The following DCAF6 variants were observed in gnomAD, a reference collection of about 807,000 sequenced individuals.
DCAF6 encodes the protein DDB1 and CUL4 associated factor 6.
A neutral mutation model predicts 125.1 loss-of-function variants in DCAF6; 54 were observed. That is an observed-to-expected ratio of 0.43 (90% CI 0.35 to 0.54). The LOEUF is 0.54. Ranked by LOEUF, DCAF6 falls within the 20% of genes least tolerant of loss-of-function variation. The probability of loss-of-function intolerance (pLI) is 0.01; values close to 1 mark genes in which losing one functional copy is unlikely to be tolerated. For synonymous variants in DCAF6, 371 were observed against 390.4 expected (o/e 0.95, Z 0.58); for missense variants, 934 against 1,161.7 (o/e 0.80, Z 2.85).
At position 167,993,398 on chromosome 1, in the gene DCAF6, A is replaced by C. The variant is rs1297621152; in HGVS notation, c.861A>C (p.Ala287=). ...TTTTTGACCCGAAAGATGATACAGC[A>C]CGAGAACTTAAAACTCCTTCTGCGG... The part of the protein sequence containing the change: ...IYLFDPKDDT[A]RELKTPSAEE... Residue 287 remains alanine (A), a synonymous_variant, in exon 7 of 22, where the codon GCA becomes GCC. Transcript: ENST00000367840. 1 of 1,613,914 alleles carries C rather than the reference A, an allele frequency of 6.2e-7. No homozygotes were observed. The highest frequency in any genetic ancestry group is 2.2e-5 in the East Asian group (1 of 44,874).
At chr1:168,030,126 A>G (rs1686876827) in intron 12 of DCAF6, among the ~76,000 whole-genome samples, 1 of 152,226 alleles carries the variant, frequency 6.6e-6, no homozygotes, top group Non-Finnish European at 1.5e-5. Flanking sequence ...GATGGATGAA[A>G]AAATAAATCA....
the DCAF6 span, chr1:167,878,497 C>T: frequency 3.7e-6 from 6 of 1,614,174 alleles, no homozygotes; most frequent in Non-Finnish European, 5.1e-6. Context: ...ATCTGCAACA[C>T]CTTTCATAAC....
Position 167,986,855 on chromosome 1 carries a change from A to G in DCAF6, c.439-640A>G, listed in dbSNP as rs538082336. Among the ~76,000 whole-genome samples the G allele has an allele frequency of 1.4e-4, 21 of 152,336 alleles. No homozygotes were observed. The South Asian group carries it at 3.3e-3, about 24-fold the overall frequency. On this transcript the variant is annotated intron_variant, in intron 4 of 21. Coordinates refer to ENST00000367840, the MANE Select transcript of DCAF6 (RefSeq NM_001198956.2). ...GGTTTATAGAGAGCCTCAACTTACAATATTGTCATTGCTAAATTAGAAGTG... is the reference window on the plus strand; with the variant it reads ...GGTTTATAGAGAGCCTCAACTTACAGTATTGTCATTGCTAAATTAGAAGTG...
the DCAF6 span, among the ~76,000 whole-genome samples, chr1:167,885,934 T>A: frequency 6.6e-6 from 1 of 152,114 alleles, no homozygotes. Context: ...CTTTTACCCA[T>A]TTTTTAATCA....
At chr1:167,915,994 T>C in the DCAF6 span, among the ~76,000 whole-genome samples, 4 of 152,204 alleles carry the variant, frequency 2.6e-5, no homozygotes, top group Admixed American at 2.6e-4. Flanking sequence ...ATAGTGAAGC[T>C]ATCAATAAAG....
chr1:167,985,211 GGTGTGTGTGTGTGTGGT>G (rs1274556037), intron 4 of DCAF6, among the ~76,000 whole-genome samples: 1 of 134,326 alleles, frequency 7.4e-6, no homozygotes, highest in Admixed American at 7.8e-5. Context: ...GTGTGTGTGT[GGTGTGTGTGTGTGTGGT>G]GTGTGTGTGC....
chr1:167,937,746 A>ATT (rs142854521), intron 1 of DCAF6, among the ~76,000 whole-genome samples: 3 of 149,678 alleles, frequency 2.0e-5, no homozygotes, highest in African/African-American at 7.3e-5. Context: ...TTTGCATAAC[A>ATT]TTTTTTTTTT....
chr1:167,949,264 TA>T (rs1673561698), intron 1 of DCAF6, among the ~76,000 whole-genome samples: 1 of 152,354 alleles, frequency 6.6e-6, no homozygotes, highest in South Asian at 2.1e-4. Context: ...AGATTCTTCA[TA>T]GCTCTTTGGA....
chr1:167,908,310 C>G, the DCAF6 span, among the ~76,000 whole-genome samples: 5 of 152,032 alleles, frequency 3.3e-5, no homozygotes, highest in African/African-American at 1.2e-4. Context: ...CACAGAAAGA[C>G]AAAAATATTG....
At chr1:168,041,473 G>C (rs1222842878) in intron 13 of DCAF6, among the ~76,000 whole-genome samples, 1 of 151,930 alleles carries the variant, frequency 6.6e-6, no homozygotes, top group Admixed American at 6.6e-5. Context: ...TAAGGGAAAA[G>C]GTTCTTATAT....
At chr1:167,993,711 C>T (rs577954042) in intron 7 of DCAF6, among the ~76,000 whole-genome samples, 71 of 152,054 alleles carry the variant, frequency 4.7e-4, no homozygotes, top group Non-Finnish European at 9.3e-4. Flanking sequence ...ATCACGCCAT[C>T]GCACTCCAGC....
chr1:167,935,766 C>G (rs1465393448), upstream of DCAF6: 1 of 1,565,154 alleles, frequency 6.4e-7, no homozygotes, highest in Non-Finnish European at 8.7e-7. Flanking sequence ...CTCAATTTCT[C>G]GGGCAGCATC....
intron 12 of DCAF6, among the ~76,000 whole-genome samples, chr1:168,036,923 A>G (rs193088709): frequency 1.8e-4 from 28 of 152,322 alleles, no homozygotes; most frequent in African/African-American, 6.3e-4. Context: ...TCAAATAGCA[A>G]TTCTGTAGGA....
chr1:167,985,127 C>T (rs955188531), intron 4 of DCAF6, among the ~76,000 whole-genome samples: 2 of 152,082 alleles, frequency 1.3e-5, no homozygotes, highest in Non-Finnish European at 2.9e-5. Context: ...CTGGGTCCCT[C>T]CCACAACACG....
chr1:168,069,500 A>C (rs1200956895), intron 21 of DCAF6, among the ~76,000 whole-genome samples: 1 of 152,208 alleles, frequency 6.6e-6, no homozygotes, highest in East Asian at 1.9e-4. Context: ...TTACTGTAAG[A>C]ACTGCATAAG....
chr1:168,010,862 C>T (rs1202248699), intron 10 of DCAF6, among the ~76,000 whole-genome samples: 1 of 152,044 alleles, frequency 6.6e-6, no homozygotes, highest in Non-Finnish European at 1.5e-5. Context: ...AAATTATTCT[C>T]ATGTTAAGAA....
intron 1 of DCAF6, among the ~76,000 whole-genome samples, chr1:167,947,570 T>C (rs765382509): frequency 3.3e-5 from 5 of 152,210 alleles, no homozygotes; most frequent in Non-Finnish European, 5.9e-5. Flanking sequence ...TGTTTACATT[T>C]TCATTTGTTT....
rs1683121220 is a variant in DCAF6, at chr1:168,004,798, G to A, written c.1378+5G>A. 6.2e-7 allele frequency: 1 copy of A among 1,611,972 alleles called. No individual in the cohort carries two copies. Among genetic ancestry groups the A allele is most frequent in the East Asian group, 2.2e-5 (1 of 44,848 alleles). Reference sequence around the variant, plus strand: ...ACCACACACATCATCAGTCTGGTGAGGATAAGTATGCTGTGGTTCATCTAA... The same window carrying A: ...ACCACACACATCATCAGTCTGGTGAAGATAAGTATGCTGTGGTTCATCTAA... On this transcript the variant is annotated splice_donor_5th_base_variant and intron_variant, in intron 10 of 21. Coordinates refer to ENST00000367840, the MANE Select transcript of DCAF6 (RefSeq NM_001198956.2).
chr1:167,974,014 C>G (rs1263697496), intron 3 of DCAF6, among the ~76,000 whole-genome samples: 1 of 152,062 alleles, frequency 6.6e-6, no homozygotes. Flanking sequence ...GTTTAAGAGT[C>G]TGTTTTCACA....
Sources: allele counts gnomAD v4.1 joint callset (sites outside exome capture counted in the v4.1 genomes callset), GRCh38; gene constraint gnomAD v4.1.1; transcripts MANE v1.5; gene names NCBI Gene and HGNC (gene_info 2026-07-23, HGNC 2026-07-21).